Variants in SLC14A2 observed in about 807,000 individuals in gnomAD.
SLC14A2 encodes the protein solute carrier family 14 member 2, also known as urea transporter 2.
Under a neutral mutation model 104.6 loss-of-function variants are expected in SLC14A2, and 91 were observed. That is an observed-to-expected ratio of 0.87 (90% confidence interval 0.73 to 1.04). The LOEUF is 1.04. SLC14A2 is among the 50% of genes least tolerant of loss of function. SLC14A2 has a pLI of 0.00. For synonymous variants in SLC14A2, 476 were observed against 466.4 expected, an observed-to-expected ratio of 1.02 and a Z score of -0.27; for missense variants, 1,189 against 1,156.0, an observed-to-expected ratio of 1.03 and a Z score of -0.41.
At chr18:45,199,599 A>G in the SLC14A2 span, among the ~76,000 whole-genome samples, 8 of 151,900 alleles carry the variant, frequency 5.3e-5, no homozygotes, top group Non-Finnish European at 8.8e-5. Flanking sequence ...TTTTCCCATT[A>G]TTTCTATTTC....
chr18:45,374,587 G>T (rs2085754794), intron 1 of SLC14A2, among the ~76,000 whole-genome samples: 1 of 151,516 alleles, frequency 6.6e-6, no homozygotes, highest in Admixed American at 6.6e-5. Context: ...ATCCAGAGAG[G>T]CATAGAGGTT....
chr18:45,370,240 C>T (rs760604761), intron 1 of SLC14A2, among the ~76,000 whole-genome samples: 4 of 152,146 alleles, frequency 2.6e-5, no homozygotes, highest in Admixed American at 6.5e-5. Flanking sequence ...GAATGTCTAG[C>T]CCCCACTTCA....
At position 45,615,836 on chromosome 18, in the gene SLC14A2, T is replaced by TGTGA. The variant is rs752876528; in HGVS notation, c.-35+255_-35+256insTGAG. Among the ~76,000 whole-genome samples the TGTGA allele has an allele frequency of 5.2e-4, 78 of 148,654 alleles. No individual in the cohort carries two copies. In the East Asian group the frequency reaches 8.5e-3, roughly 16 times the overall value. ...GGGTGTATGTGTGTGTGTGTGTGTG[T>TGTGA]GAGAGAGAGAGAGAGAGAGAGAGGG... On this transcript the variant is annotated intron_variant, in intron 1 of 19. Coordinates refer to ENST00000255226, the MANE Select transcript of SLC14A2 (RefSeq NM_007163.4).
In SLC14A2 at chr18:45,412,265, AC is replaced by A. The variant is rs369341992; in HGVS notation, c.-124-70967del. On this transcript the variant is annotated intron_variant, in intron 1 of 20. Coordinates refer to the SLC14A2 transcript ENST00000586448. The stretch of plus-strand genomic sequence containing the variant: ...TTGTGGGGATTTTTTTCCACAGTGA[AC>A]AATGTTTTATCCTGGGAAATCAGTG... Among the ~76,000 whole-genome samples the A allele has an allele frequency of 3.0e-4, 45 of 152,284 alleles. No individual in the cohort carries two copies. In the East Asian group the frequency reaches 8.3e-3, roughly 28 times the overall value.
At chr18:45,400,904 G>A (rs374419679) in intron 1 of SLC14A2, among the ~76,000 whole-genome samples, 3 of 152,228 alleles carry the variant, frequency 2.0e-5, no homozygotes, top group East Asian at 3.9e-4. Context: ...GAGCCCCTTC[G>A]AACTTCCTCC....
At chr18:45,168,512 A>T in the SLC14A2 span, 2 of 152,348 alleles carry the variant, frequency 1.3e-5, no homozygotes, top group South Asian at 4.1e-4. Context: ...ACCACAAAAA[A>T]GAGTGAGAAT....
intron 1 of SLC14A2, among the ~76,000 whole-genome samples, chr18:45,443,419 T>C (rs2086712712): frequency 2.0e-5 from 3 of 152,248 alleles, no homozygotes; most frequent in Non-Finnish European, 4.4e-5. Context: ...CAGTAAGGCC[T>C]GTCTGTCTAG....
At chr18:45,414,757 A>AAAAAAATATAT (rs1360051908) in intron 1 of SLC14A2, among the ~76,000 whole-genome samples, 27 of 76,096 alleles carry the variant, frequency 3.5e-4, no homozygotes, top group Non-Finnish European at 4.4e-4. Flanking sequence ...AAAAAAAAAA[A>AAAAAAATATAT]ATATATATAT....
rs908310276 is a variant in SLC14A2 at position 45,495,588 on chromosome 18, C to A, written c.-35+12266C>A. Among the ~76,000 whole-genome samples the A allele has an allele frequency of 1.3e-4, 20 of 152,182 alleles. 1 individual carries two copies. Reference sequence around the variant, plus strand: ...TCAACCTTGGGATTATATCAATGTACATTTCTATGAGACAGTGTCCTCTTG... The same window carrying A: ...TCAACCTTGGGATTATATCAATGTAAATTTCTATGAGACAGTGTCCTCTTG... On this transcript the variant is annotated intron_variant, in intron 2 of 20. Transcript: ENST00000586448.
At chr18:45,223,501 C>T (rs2084083583) in intron 1 of SLC14A2, among the ~76,000 whole-genome samples, 1 of 152,188 alleles carries the variant, frequency 6.6e-6, no homozygotes, top group Non-Finnish European at 1.5e-5. Flanking sequence ...ATCCTGGTCT[C>T]TACTAATGGA....
chr18:45,669,014 C>G (rs2046081335), intron 15 of SLC14A2, among the ~76,000 whole-genome samples: 1 of 152,230 alleles, frequency 6.6e-6, no homozygotes, highest in Non-Finnish European at 1.5e-5. Flanking sequence ...TGATTCCCTC[C>G]CCTCGGCCTC....
In SLC14A2 at chr18:45,600,879, C is replaced by T. The variant is rs567047865; in HGVS notation, c.-34-23752C>T. 4.6e-5 allele frequency among the ~76,000 whole-genome samples: 7 copies of T among 152,330 alleles called. No homozygotes were observed. The South Asian group carries it at 1.4e-3, about 32-fold the overall frequency. On this transcript the variant is annotated intron_variant, in intron 2 of 20. Coordinates refer to the SLC14A2 transcript ENST00000586448. ...TGGTGACTGTAGAGCCCTGTTTATA[C>T]AGGGCCATATGCAAATTGCACTTGT...
intron 1 of SLC14A2, among the ~76,000 whole-genome samples, chr18:45,330,972 G>GTGCC (rs2085284125): frequency 6.6e-6 from 1 of 152,120 alleles, no homozygotes; most frequent in African/African-American, 2.4e-5. Context: ...CAAAAAATAC[G>GTGCC]TGATTGAAAA....
intron 10 of SLC14A2, among the ~76,000 whole-genome samples, chr18:45,661,372 T>A (rs1420185140): frequency 6.6e-6 from 1 of 152,194 alleles, no homozygotes; most frequent in African/African-American, 2.4e-5. Context: ...GTAAATGGTG[T>A]TTGTCATGCC....
the SLC14A2 span, among the ~76,000 whole-genome samples, chr18:45,186,812 C>T: frequency 1.3e-5 from 2 of 152,114 alleles, no homozygotes; most frequent in African/African-American, 4.8e-5. Flanking sequence ...GAAGAAACTC[C>T]CAGAGGCTGC....
chr18:45,491,007 G>A (rs1382598397), intron 2 of SLC14A2, among the ~76,000 whole-genome samples: 1 of 152,150 alleles, frequency 6.6e-6, no homozygotes, highest in Admixed American at 6.5e-5. Flanking sequence ...CATCCTAGAG[G>A]AAGTCCAAAT....
chr18:45,355,124 G>A (rs1466271961), intron 1 of SLC14A2, among the ~76,000 whole-genome samples: 1 of 152,062 alleles, frequency 6.6e-6, no homozygotes, highest in African/African-American at 2.4e-5. Flanking sequence ...TAATCTCTTT[G>A]AGCCCAAATA....
chr18:45,182,533 T>TA, the SLC14A2 span, among the ~76,000 whole-genome samples: 1 of 151,828 alleles, frequency 6.6e-6, no homozygotes, highest in Non-Finnish European at 1.5e-5. Flanking sequence ...AAGTAATTAG[T>TA]AAAAAAATTG....
At chr18:45,367,821 G>A (rs2085681809) in intron 1 of SLC14A2, among the ~76,000 whole-genome samples, 1 of 152,154 alleles carries the variant, frequency 6.6e-6, no homozygotes, top group Non-Finnish European at 1.5e-5. Context: ...TGCTATAAGA[G>A]GCTATCTTGG....
Sources: allele counts gnomAD v4.1 joint callset (sites outside exome capture counted in the v4.1 genomes callset), GRCh38; gene constraint gnomAD v4.1.1; transcripts MANE v1.5; gene names NCBI Gene and HGNC (gene_info 2026-07-23, HGNC 2026-07-21).